The following RBPMS variants were observed in gnomAD, a reference collection of about 807,000 sequenced individuals.
The protein encoded by RBPMS is RNA-binding protein with multiple splicing.
Under a neutral mutation model 26.8 loss-of-function variants are expected in RBPMS, and 7 were observed. The ratio of observed to expected loss-of-function variants is 0.26; its 90% confidence interval spans 0.15 to 0.49. The LOEUF is 0.49. Ranked by LOEUF, RBPMS falls within the 20% of genes least tolerant of loss-of-function variation. The probability of loss-of-function intolerance (pLI) is 0.98; values close to 1 mark genes in which losing one functional copy is unlikely to be tolerated. For synonymous variants in RBPMS, 96 were observed against 93.3 expected (o/e 1.03, Z -0.17); for missense variants, 186 against 250.0 (o/e 0.74, Z 1.73).
chr8:30,545,154 C>A (rs1334271702), intron 6 of RBPMS: 1 of 1,306,502 alleles, frequency 7.7e-7, no homozygotes, highest in Middle Eastern at 2.1e-4. Flanking sequence ...TTCCTTCTCT[C>A]CATTTTCAGG....
chr8:30,526,482 A>G (rs985825726), intron 5 of RBPMS, among the ~76,000 whole-genome samples: 1 of 152,218 alleles, frequency 6.6e-6, no homozygotes, highest in African/African-American at 2.4e-5. Context: ...GTGGAAGGCA[A>G]GTTCCCCAAA....
At chr8:30,463,409 T>TC (rs1816162096) in intron 1 of RBPMS, among the ~76,000 whole-genome samples, 1 of 152,208 alleles carries the variant, frequency 6.6e-6, no homozygotes, top group Non-Finnish European at 1.5e-5. Context: ...GATGGCTCAC[T>TC]CACATGGCTT....
At chr8:30,546,316 A>G (rs1449524724) in intron 6 of RBPMS, among the ~76,000 whole-genome samples, 1 of 152,166 alleles carries the variant, frequency 6.6e-6, no homozygotes, top group Non-Finnish European at 1.5e-5. Context: ...AAAGCCTTTC[A>G]CCCTTACCCT....
intron 6 of RBPMS, chr8:30,558,592 GGCT>G: frequency 3.9e-6 from 2 of 507,272 alleles, no homozygotes; most frequent in East Asian, 3.5e-5. Flanking sequence ...AGCCTCAAAT[GGCT>G]GCTAACCTTT....
chr8:30,556,858 C>A, intron 6 of RBPMS: 2 of 829,796 alleles, frequency 2.4e-6, no homozygotes, highest in Non-Finnish European at 2.9e-6. Context: ...ACTCTTCTGT[C>A]CCCTTCCCTG....
In RBPMS at chr8:30,504,406, A is replaced by G; in HGVS notation, c.367A>G (p.Thr123Ala). 6.2e-7 allele frequency: 1 copy of G among 1,614,166 alleles called. No individual in the cohort carries two copies. Among genetic ancestry groups the G allele is most frequent in the Non-Finnish European group, 8.5e-7 (1 of 1,180,002 alleles). ...AAACCCCAGTACTCCTCTGCCCAAC[A>G]CTGTACCTCAGTTCATTGCCAGAGA... Reference protein sequence around the residue: ...TPNPSTPLPNTVPQFIAREPY... With the variant: ...TPNPSTPLPNAVPQFIAREPY... The change falls in exon 5 of 9, where the codon ACT (threonine) becomes GCT (alanine). Residue 123 changes from threonine to alanine, a missense_variant. Thr to Ala is a moderately conservative substitution (Grantham distance 58). This residue lies in a region of RBPMS where 98 missense variants were observed against 113.6 expected (regional missense o/e 0.86). Coordinates refer to ENST00000397323, the MANE Select transcript of RBPMS (RefSeq NM_001008710.3).
At chr8:30,458,964 T>C (rs1214367415) in intron 1 of RBPMS, among the ~76,000 whole-genome samples, 4 of 128,136 alleles carry the variant, frequency 3.1e-5, no homozygotes, top group African/African-American at 1.4e-4. Context: ...GCATGTTGGC[T>C]TTTTTTTTTT....
At chr8:30,551,570 G>A (rs1376519971) in intron 6 of RBPMS, among the ~76,000 whole-genome samples, 2 of 152,126 alleles carry the variant, frequency 1.3e-5, no homozygotes, top group Non-Finnish European at 2.9e-5. Context: ...CTTTGCGGAA[G>A]GTTAAACTCC....
Position 30,385,126 on chromosome 8 carries a change from A to G in RBPMS, c.34A>G (p.Thr12Ala). ...NNGGKAEKENTPSEANLQEEE... is the reference protein window; with the variant it reads ...NNGGKAEKENAPSEANLQEEE... Reference sequence around the variant, plus strand: ...CGGCGGCAAAGCCGAGAAGGAGAACACCCCGAGCGAGGCCAACCTTCAGGA... The same window carrying G: ...CGGCGGCAAAGCCGAGAAGGAGAACGCCCCGAGCGAGGCCAACCTTCAGGA... Residue 12 changes from threonine to alanine, a missense_variant, in exon 1 of 9, where the codon ACC (threonine) becomes GCC (alanine). Thr to Ala is a moderately conservative substitution (Grantham distance 58). Transcript: ENST00000397323. 1.3e-6 allele frequency: 2 copies of G among 1,526,428 alleles called. No individual in the cohort carries two copies. The highest frequency in any genetic ancestry group is 1.8e-6 in the Non-Finnish European group (2 of 1,138,394). The allele number at this position is 1,526,428 out of a possible 1,614,324, so 94.6% of individuals were successfully genotyped here.
At position 30,411,711 on chromosome 8, in the gene RBPMS, C is replaced by G. The variant is rs187999637; in HGVS notation, c.66+26553C>G. Among the ~76,000 whole-genome samples the G allele has an allele frequency of 2.8e-3, 408 of 146,294 alleles. 3 individuals carry two copies. The highest frequency in any genetic ancestry group is 0.01 in the African/African-American group (398 of 39,386). On this transcript the variant is annotated intron_variant, in intron 1 of 8. Transcript: ENST00000397323. Reference sequence around the variant, plus strand: ...AAAAAGGAAATGTTTAGGCCGGGCACAGTGGCTTATGCCTGTAATCCCAGC... The same window carrying G: ...AAAAAGGAAATGTTTAGGCCGGGCAGAGTGGCTTATGCCTGTAATCCCAGC...
intron 6 of RBPMS, among the ~76,000 whole-genome samples, chr8:30,554,508 ATT>A (rs1347868017): frequency 1.3e-5 from 2 of 152,140 alleles, no homozygotes; most frequent in Non-Finnish European, 2.9e-5. Context: ...CAAATTGTGC[ATT>A]TCTCTCTAAT....
intron 4 of RBPMS, among the ~76,000 whole-genome samples, chr8:30,503,567 T>C (rs1820785090): frequency 1.3e-5 from 2 of 151,826 alleles, no homozygotes; most frequent in East Asian, 3.9e-4. Flanking sequence ...CCTGCTCTTA[T>C]TTTTTTTCAA....
chr8:30,435,312 T>C (rs369886653), intron 1 of RBPMS, among the ~76,000 whole-genome samples: 14 of 152,188 alleles, frequency 9.2e-5, no homozygotes, highest in Non-Finnish European at 1.9e-4. Context: ...TCTCATTATG[T>C]ATATGCAAAT....
chr8:30,521,924 A>C (rs1823083597), intron 5 of RBPMS, among the ~76,000 whole-genome samples: 1 of 152,224 alleles, frequency 6.6e-6, no homozygotes, highest in African/African-American at 2.4e-5. Context: ...GATTGGAGAA[A>C]TGTCGGTCAA....
intron 6 of RBPMS, chr8:30,556,587 C>T (rs1490978459): frequency 1.0e-5 from 10 of 986,266 alleles, no homozygotes; most frequent in African/African-American, 1.7e-5. Flanking sequence ...ACCCAGGCCG[C>T]ACCAGTCACA....
chr8:30,559,402 G>A (rs892257532), intron 7 of RBPMS, among the ~76,000 whole-genome samples: 4 of 152,172 alleles, frequency 2.6e-5, no homozygotes, highest in Non-Finnish European at 4.4e-5. Context: ...AGTACTAATC[G>A]TTAAAAAATA....
rs1585802161 is a variant in RBPMS, at chr8:30,536,513, T to C, written c.398-7981T>C. Among the ~76,000 whole-genome samples the C allele has an allele frequency of 3.9e-5, 6 of 152,354 alleles. No individual in the cohort carries two copies. In the South Asian group the frequency reaches 1.2e-3, roughly 32 times the overall value. On this transcript the variant is annotated intron_variant, in intron 5 of 8. Coordinates refer to ENST00000397323, the MANE Select transcript of RBPMS (RefSeq NM_001008710.3). ...AAAAGACACCTCTGCCTCCCCTTGCTGTCATAACCATCCTTCTCCCTTGCT... is the reference window on the plus strand; with the variant it reads ...AAAAGACACCTCTGCCTCCCCTTGCCGTCATAACCATCCTTCTCCCTTGCT...
At chr8:30,466,018 G>T (rs1341572969) in intron 1 of RBPMS, among the ~76,000 whole-genome samples, 3 of 152,116 alleles carry the variant, frequency 2.0e-5, no homozygotes, top group Non-Finnish European at 2.9e-5. Context: ...GCTCCCATTA[G>T]TCTTCCTTCT....
chr8:30,407,812 C>T (rs777631348), intron 1 of RBPMS, among the ~76,000 whole-genome samples: 1 of 106,288 alleles, frequency 9.4e-6, no homozygotes, highest in Non-Finnish European at 1.9e-5. Context: ...CCCTGGGTCA[C>T]AGCTAATAAA....
Sources: gnomAD v4.1 joint callset for allele counts (sites outside exome capture counted in the v4.1 genomes callset) on GRCh38, gnomAD v4.1.1 for gene constraint, gnomAD v4.1.1 regional missense constraint, MANE v1.5 for transcripts, NCBI Gene and HGNC (gene_info 2026-07-23, HGNC 2026-07-21) for gene names.